Variants in ZNF471 observed in about 807,000 individuals in gnomAD.
ZNF471 encodes EZFIT-related protein 1.
Under a neutral mutation model 13.7 loss-of-function variants are expected in ZNF471, and 7 were observed. That is an observed-to-expected ratio of 0.51 (90% CI 0.29 to 0.96). The LOEUF (loss-of-function observed/expected upper bound fraction) is 0.96. Ranked by LOEUF, ZNF471 falls within the 40% of genes least tolerant of loss-of-function variation. The probability of loss-of-function intolerance (pLI) is 0.08; values close to 1 mark genes in which losing one functional copy is unlikely to be tolerated. For missense variants in ZNF471, 663 were observed against 743.3 expected (o/e 0.89, Z 1.26); for synonymous variants, 218 against 235.6 (o/e 0.93, Z 0.68).
Position 56,524,173 on chromosome 19 carries a change from G to A in ZNF471, c.257-151G>A, listed in dbSNP as rs950763358. ...TGTTCCTTCATGAGCTGTCTTTCTTGGGGTCTCCCTGAATGTTTTCCAGTT... is the reference window on the plus strand; with the variant it reads ...TGTTCCTTCATGAGCTGTCTTTCTTAGGGTCTCCCTGAATGTTTTCCAGTT... On this transcript the variant is annotated intron_variant, in intron 4 of 4. Transcript: ENST00000308031. The surrounding 1 kb of genome is among the most constrained non-coding windows in gnomAD (Gnocchi z 4.8). 2 of 562,586 alleles carry A rather than the reference G, an allele frequency of 3.6e-6. No homozygotes were observed. Among genetic ancestry groups the A allele is most frequent in the Non-Finnish European group, 5.9e-6 (2 of 336,626 alleles). The allele number at this position is 562,586 out of a possible 1,614,324, so 34.8% of individuals were successfully genotyped here. A position where few individuals can be genotyped will look rare whatever the true frequency, so the allele number is the denominator to read the frequency against.
rs1221140953 is a variant in ZNF471 at position 56,525,275 on chromosome 19, A to G, written c.1208A>G (p.Tyr403Cys). 1.9e-6 allele frequency: 3 copies of G among 1,611,886 alleles called. No individual in the cohort carries two copies. The highest frequency in any genetic ancestry group is 1.7e-5 in the Admixed American group (1 of 59,928). ...AGAATTCATACAGGAGAGAAACCTT[A>G]CAAATGTGGTGTGTGTGGAAAAACC... is the stretch of plus-strand genomic sequence containing the variant. ...HRRIHTGEKP[Y>C]KCGVCGKTFS... Residue 403 changes from tyrosine to cysteine, a missense_variant, in exon 5 of 5, where the codon TAC (tyrosine) becomes TGC (cysteine). Tyr to Cys is a radical substitution (Grantham distance 194). Coordinates refer to ENST00000308031, the MANE Select transcript of ZNF471 (RefSeq NM_020813.4).
rs181767700 is a variant in ZNF471 at position 56,525,283 on chromosome 19, G to A, written c.1216G>A (p.Gly406Ser). ...IHTGEKPYKC[G>S]VCGKTFSSGS... ...TACAGGAGAGAAACCTTACAAATGT[G>A]GTGTGTGTGGAAAAACCTTCAGCTC... is the stretch of plus-strand genomic sequence containing the variant. The change falls in exon 5 of 5, where the codon GGT (glycine) becomes AGT (serine). Residue 406 changes from glycine to serine, a missense_variant. Physicochemically the swap from Gly to Ser is moderately conservative, Grantham distance 56. Coordinates refer to ENST00000308031, the MANE Select transcript of ZNF471 (RefSeq NM_020813.4). The A allele has an allele frequency of 4.3e-6, 7 of 1,611,544 alleles. No individual in the cohort carries two copies. The Admixed American group carries it at 6.7e-5, about 15-fold the overall frequency.
At chr19:56,512,226 C>G (rs1382975014) in intron 2 of ZNF471, among the ~76,000 whole-genome samples, 2 of 150,080 alleles carry the variant, frequency 1.3e-5, no homozygotes, top group East Asian at 1.9e-4. Context: ...GTATCTCATT[C>G]AGAGCTATGT....
chr19:56,524,963 T>C lies in ZNF471; in HGVS notation c.896T>C (p.Phe299Ser). ...AAATGTAAGGAATGCAGAAAAGCCT[T>C]CAGACAGCCTGCACACCTTGCTCAG... ...PYKCKECRKA[F>S]RQPAHLAQHQ... The change falls in exon 5 of 5, where the codon TTC (phenylalanine) becomes TCC (serine). Residue 299 changes from phenylalanine (F) to serine (S), a missense_variant. Phe to Ser is a radical substitution (Grantham distance 155). Transcript: ENST00000308031. The surrounding 1 kb of genome is among the most constrained non-coding windows in gnomAD (Gnocchi z 4.8). The C allele has an allele frequency of 6.2e-7, 1 of 1,614,138 alleles. No individual in the cohort carries two copies. Among genetic ancestry groups the C allele is most frequent in the Non-Finnish European group, 8.5e-7 (1 of 1,180,022 alleles).
Position 56,525,102 on chromosome 19 carries a change from C to G in ZNF471, c.1035C>G (p.Pro345=), listed in dbSNP as rs1214969260. ...AGAGATGTCACACTGGCAAAAGACC[C>G]TATGAATGTATTGAGTGTGGGAAGG... ...RHQRCHTGKR[P]YECIECGKAF... is the part of the protein sequence containing the mutation. Residue 345 remains proline, a synonymous_variant, in exon 5 of 5, where the codon CCC becomes CCG. Coordinates refer to ENST00000308031, the MANE Select transcript of ZNF471 (RefSeq NM_020813.4). 1 of 1,613,962 alleles carries G rather than the reference C, an allele frequency of 6.2e-7. No individual in the cohort carries two copies. Among genetic ancestry groups the G allele is most frequent in the South Asian group, 1.1e-5 (1 of 91,060 alleles).
rs1972515914 is a variant in ZNF471, at chr19:56,526,097, T to C, written c.*149T>C. On this transcript the variant is annotated 3_prime_UTR_variant, in exon 5 of 5. Transcript: ENST00000308031. ...GGCAAGATGGCCGAATAGGAACAGC[T>C]CTGATCTGCAGTTCCCAGTGAGATC... is the stretch of plus-strand genomic sequence containing the variant. 1.4e-6 allele frequency: 1 copy of C among 730,566 alleles called. No individual in the cohort carries two copies. Among genetic ancestry groups the C allele is most frequent in the Admixed American group, 3.2e-5 (1 of 31,120 alleles). The allele number at this position is 730,566 out of a possible 1,614,324, so 45.3% of individuals were successfully genotyped here.
Position 56,528,655 on chromosome 19 carries a change from G to A in ZNF471, c.*2707G>A, listed in dbSNP as rs1465169422. The stretch of plus-strand genomic sequence containing the variant: ...ATGATTAAGGCTGTGTTCCCTTGTT[G>A]GTGAGGAAATTAATTATGACTTGAT... On this transcript the variant is annotated 3_prime_UTR_variant, in exon 5 of 5. Transcript: ENST00000308031. 1 of 152,066 alleles carries A rather than the reference G, an allele frequency of 6.6e-6. No individual in the cohort carries two copies. The highest frequency in any genetic ancestry group is 1.5e-5 in the Non-Finnish European group (1 of 68,020). The allele number at this position is 152,066 out of a possible 1,614,324, so 9.4% of individuals were successfully genotyped here. A position where few individuals can be genotyped will look rare whatever the true frequency, so the allele number is the denominator to read the frequency against.
In ZNF471 at chr19:56,516,373, G is replaced by A; in HGVS notation, c.132G>A (p.Leu44=). Residue 44 remains leucine (L), a synonymous_variant, in exon 3 of 5, where the codon TTG becomes TTA. Coordinates refer to ENST00000308031, the MANE Select transcript of ZNF471 (RefSeq NM_020813.4). This position sits in a 1 kb window ranked among gnomAD's most constrained non-coding sequence, Gnocchi z 4.4. ...AGCGTTTATACAGGAGTATGATGTT[G>A]GAGAACTATCAGAGCCTGGTATCAC... The part of the protein sequence containing the change: ...AQKRLYRSMM[L]ENYQSLVSLG... The A allele has an allele frequency of 6.2e-7, 1 of 1,613,644 alleles. No individual in the cohort carries two copies. The highest frequency in any genetic ancestry group is 8.5e-7 in the Non-Finnish European group (1 of 1,179,758).
In ZNF471 at chr19:56,516,390, T is replaced by C. The variant is rs1568472929; in HGVS notation, c.149T>C (p.Leu50Pro). Residue 50 changes from leucine to proline, a missense_variant, in exon 3 of 5, where the codon CTG (leucine) becomes CCG (proline). By Grantham distance (98) the Leu-to-Pro change is moderately conservative. Transcript: ENST00000308031. This position sits in a 1 kb window ranked among gnomAD's most constrained non-coding sequence, Gnocchi z 4.4. ...RSMMLENYQS[L>P]VSLGLCISKP... ...ATGATGTTGGAGAACTATCAGAGCCTGGTATCACTTGGTGAGGATCTTTTC... is the reference window on the plus strand; with the variant it reads ...ATGATGTTGGAGAACTATCAGAGCCCGGTATCACTTGGTGAGGATCTTTTC... The C allele has an allele frequency of 1.9e-6, 3 of 1,613,024 alleles. No homozygotes were observed. The highest frequency in any genetic ancestry group is 2.5e-6 in the Non-Finnish European group (3 of 1,179,496).
In ZNF471 at chr19:56,510,777, C is replaced by T. The variant is rs1380156346; in HGVS notation, c.-55-740C>T. ...GTGGCTGTTTGGAATTGTGTGTTGCCGGGATAGGAAATGTGGAATAGAATT... is the reference window on the plus strand; with the variant it reads ...GTGGCTGTTTGGAATTGTGTGTTGCTGGGATAGGAAATGTGGAATAGAATT... On this transcript the variant is annotated intron_variant, in intron 1 of 4. Coordinates refer to ENST00000308031, the MANE Select transcript of ZNF471 (RefSeq NM_020813.4). This position sits in a 1 kb window ranked among gnomAD's most constrained non-coding sequence, Gnocchi z 4.3. The T allele has an allele frequency of 1.1e-5, 11 of 985,274 alleles. No individual in the cohort carries two copies. In the South Asian group the frequency reaches 1.4e-4, roughly 13 times the overall value. The allele number at this position is 985,274 out of a possible 1,614,324, so 61.0% of individuals were successfully genotyped here.
At position 56,525,234 on chromosome 19, in the gene ZNF471, A is replaced by G. The variant is rs1375141370; in HGVS notation, c.1167A>G (p.Gly389=). The change falls in exon 5 of 5, where the codon GGA becomes GGG. Residue 389 remains glycine (G), a synonymous_variant. Transcript: ENST00000308031. ...GGAAAGCCTTCAGTGTTCACATAGG[A>G]CTTATTCTGCATAGGAGAATTCATA... ...DCGKAFSVHI[G]LILHRRIHTG... 6.2e-7 allele frequency: 1 copy of G among 1,613,700 alleles called. No individual in the cohort carries two copies. The highest frequency in any genetic ancestry group is 1.7e-5 in the Admixed American group (1 of 59,976).
intron 1 of ZNF471, among the ~76,000 whole-genome samples, chr19:56,511,167 C>G (rs2043806067): frequency 6.7e-6 from 1 of 150,196 alleles, no homozygotes; most frequent in African/African-American, 2.4e-5. Context: ...AGTAGACTTT[C>G]AAAGCATGAA....
rs1194755837 is a variant in ZNF471, at chr19:56,508,196, CAG to C, written c.-56+279_-56+280del. Reference sequence around the variant, plus strand: ...GTGTGCCTGTGTGTAAAAGATCTGTCAGAGTGTGAGGCTCCGTGAGAGGGTGT... The same window carrying C: ...GTGTGCCTGTGTGTAAAAGATCTGTCAGTGTGAGGCTCCGTGAGAGGGTGT... On this transcript the variant is annotated intron_variant, in intron 1 of 4. Transcript: ENST00000308031. The surrounding 1 kb of genome is among the most constrained non-coding windows in gnomAD (Gnocchi z 4.7). 3 of 981,938 alleles carry C rather than the reference CAG, an allele frequency of 3.1e-6. No homozygotes were observed. The highest frequency in any genetic ancestry group is 4.7e-5 in the South Asian group (1 of 21,176). The allele number at this position is 981,938 out of a possible 1,614,324, so 60.8% of individuals were successfully genotyped here. A position where few individuals can be genotyped will look rare whatever the true frequency, so the allele number is the denominator to read the frequency against.
At chr19:56,521,652 A>AAC (rs377255175) in intron 4 of ZNF471, among the ~76,000 whole-genome samples, 32,125 of 147,280 alleles carry the variant, frequency 0.22, 3,867 homozygotes, top group Middle Eastern at 0.25. Context: ...AAAAAAAAAA[A>AAC]AAAAAAACTC....
At position 56,510,513 on chromosome 19, in the gene ZNF471, G is replaced by T. The variant is rs2147901235; in HGVS notation, c.-55-1004G>T. 1.0e-6 allele frequency: 1 copy of T among 985,784 alleles called. No individual in the cohort carries two copies. Among genetic ancestry groups the T allele is most frequent in the Non-Finnish European group, 1.2e-6 (1 of 830,054 alleles). The allele number at this position is 985,784 out of a possible 1,614,324, so 61.1% of individuals were successfully genotyped here. On this transcript the variant is annotated intron_variant, in intron 1 of 4. Transcript: ENST00000308031. The surrounding 1 kb of genome is among the most constrained non-coding windows in gnomAD (Gnocchi z 4.3). ...GTGTGTGAGAGAAGTAAGATTGGGGGTATGTGTGAAGGTGTTGGTGAATCA... is the reference window on the plus strand; with the variant it reads ...GTGTGTGAGAGAAGTAAGATTGGGGTTATGTGTGAAGGTGTTGGTGAATCA...
rs1600504422 is a variant in ZNF471, at chr19:56,510,722, A to G, written c.-55-795A>G. On this transcript the variant is annotated intron_variant, in intron 1 of 4. Coordinates refer to ENST00000308031, the MANE Select transcript of ZNF471 (RefSeq NM_020813.4). This position sits in a 1 kb window ranked among gnomAD's most constrained non-coding sequence, Gnocchi z 4.3. ...TGCTGTGTATGGAGAGACTACTTGG[A>G]AGATTGATAGGATTGGATTCTTTAT... The G allele has an allele frequency of 2.0e-6, 2 of 985,392 alleles. No individual in the cohort carries two copies. Among genetic ancestry groups the G allele is most frequent in the Non-Finnish European group, 2.4e-6 (2 of 829,932 alleles). The allele number at this position is 985,392 out of a possible 1,614,324, so 61.0% of individuals were successfully genotyped here.
At chr19:56,511,789 C>A (rs2043815864) in intron 2 of ZNF471, among the ~76,000 whole-genome samples, 185 bp downstream of exon 2, 1 of 152,164 alleles carries the variant, frequency 6.6e-6, no homozygotes, top group East Asian at 1.9e-4. Flanking sequence ...TATAAAAAGT[C>A]ATGGAGGTCC....
At position 56,510,899 on chromosome 19, in the gene ZNF471, G is replaced by C. The variant is rs986347890; in HGVS notation, c.-55-618G>C. 2 of 985,548 alleles carry C rather than the reference G, an allele frequency of 2.0e-6. No individual in the cohort carries two copies. The highest frequency in any genetic ancestry group is 1.2e-6 in the Non-Finnish European group (1 of 829,998). 61.1% of individuals were successfully genotyped at this position (985,548 alleles called of 1,614,324 possible). ...ACACCCTCACTTCTGTGTGACAGGA[G>C]GGTAATTAAGGGGCTGGGACAGAGG... On this transcript the variant is annotated intron_variant, in intron 1 of 4. Transcript: ENST00000308031. This position sits in a 1 kb window ranked among gnomAD's most constrained non-coding sequence, Gnocchi z 4.3.
In ZNF471 at chr19:56,526,597, C is replaced by G. The variant is rs986787118; in HGVS notation, c.*649C>G. The G allele has an allele frequency of 6.6e-6, 1 of 152,332 alleles. No individual in the cohort carries two copies. The highest frequency in any genetic ancestry group is 2.4e-5 in the African/African-American group (1 of 41,444). The allele number at this position is 152,332 out of a possible 1,614,324, so 9.4% of individuals were successfully genotyped here. A position where few individuals can be genotyped will look rare whatever the true frequency, so the allele number is the denominator to read the frequency against. On this transcript the variant is annotated 3_prime_UTR_variant, in exon 5 of 5. Transcript: ENST00000308031. ...CCCACTGAGCCCAGCAAGCTAAGAT[C>G]CACTGGCTTGGAATTCTCCCTGCCA...
Sources: gnomAD v4.1 joint callset for allele counts (sites outside exome capture counted in the v4.1 genomes callset) on GRCh38, gnomAD v4.1.1 for gene constraint, Gnocchi (gnomAD v3.1) non-coding constraint, MANE v1.5 for transcripts, NCBI Gene and HGNC (gene_info 2026-07-23, HGNC 2026-07-21) for gene names.